Variants in CST2 observed in about 807,000 individuals in gnomAD.
CST2 encodes the protein cystatin SA.
Under a neutral mutation model 13.4 loss-of-function variants are expected in CST2, and 26 were observed. The ratio of observed to expected loss-of-function variants is 1.95; its 90% CI spans 1.43 to 2.70. CST2 has a LOEUF of 2.70. CST2 is among the 30% of genes most tolerant of loss of function. The probability of loss-of-function intolerance (pLI) is 0.00; values close to 1 mark genes in which losing one functional copy is unlikely to be tolerated. For synonymous variants in CST2, 105 were observed against 71.1 expected, an observed-to-expected ratio of 1.48 and a Z score of -2.40; for missense variants, 243 against 173.4, an observed-to-expected ratio of 1.40 and a Z score of -2.25.
rs1372615339 is a variant in CST2 at position 23,823,860 on chromosome 20, C to T, written c.*160G>A. On this transcript the variant is annotated 3_prime_UTR_variant, in exon 3 of 3. Transcript: ENST00000304725. ...AAAAGGAAGGAGGGAGGGCAGAGTC[C>T]CCTGCTGAGCAACAAAGGCCTCCTG... 4.3e-6 allele frequency: 3 copies of T among 699,490 alleles called. No individual in the cohort carries two copies. Among genetic ancestry groups the T allele is most frequent in the Non-Finnish European group, 7.4e-6 (3 of 408,074 alleles). 43.3% of individuals were successfully genotyped at this position (699,490 alleles called of 1,614,324 possible).
chr20:23,825,079 T>C (rs1431230379), intron 2 of CST2, 131 bp downstream of exon 2: 26 of 1,246,586 alleles, frequency 2.1e-5, no homozygotes, highest in Non-Finnish European at 2.8e-5. Context: ...CATGTATACA[T>C]CCATGCATAC....
In CST2 at chr20:23,824,179, C is replaced by G. The variant is rs558168351; in HGVS notation, c.343-76G>C. The G allele has an allele frequency of 1.8e-5, 27 of 1,469,204 alleles. No homozygotes were observed. In the African/African-American group the frequency reaches 2.1e-4, roughly 11 times the overall value. The allele number at this position is 1,469,204 out of a possible 1,614,324, so 91.0% of individuals were successfully genotyped here. A position where few individuals can be genotyped will look rare whatever the true frequency, so the allele number is the denominator to read the frequency against. ...GAAGTCACCCAGGCATGAGATGTCA[C>G]AGCCTGAGTGAGGAGGATGGAGGTG... On this transcript the variant is annotated intron_variant, in intron 2 of 2. Transcript: ENST00000304725.
In CST2 at chr20:23,826,475, C is replaced by T. The variant is rs781085701; in HGVS notation, c.186G>A (p.Glu62=). The part of the protein sequence containing the change: ...ISEYNKATED[E]YYRRLLRVLR... ...GCACCCGCAGCAGGCGTCTGTAGTA[C>T]TCATCTTCAGTGGCCTTGTTATACT... The change falls in exon 1 of 3, where the codon GAG becomes GAA. Residue 62 remains glutamate, a synonymous_variant. Transcript: ENST00000304725. 27 of 1,614,060 alleles carry T rather than the reference C, an allele frequency of 1.7e-5. No homozygotes were observed. The highest frequency in any genetic ancestry group is 2.3e-5 in the Non-Finnish European group (27 of 1,180,022).
At chr20:23,824,162 C>A in intron 2 of CST2, 59 bp from the exon 3 acceptor site, 1 of 1,565,730 alleles carries the variant, frequency 6.4e-7, no homozygotes, top group Non-Finnish European at 8.8e-7. Context: ...GGGAAGTCAC[C>A]CAGGCATGAG....
rs371256606 is a variant in CST2, at chr20:23,826,488, G to A, written c.173C>T (p.Ala58Val). The change falls in exon 1 of 3, where the codon GCC becomes GTC. Residue 58 changes from alanine to valine, a missense_variant. Physicochemically the swap from Ala to Val is moderately conservative, Grantham distance 64. Transcript: ENST00000304725. ...GCGTCTGTAGTACTCATCTTCAGTG[G>A]CCTTGTTATACTCGCTGATGACAAA... ...LHFVISEYNK[A>V]TEDEYYRRLL... is the part of the protein sequence containing the mutation. The A allele has an allele frequency of 5.1e-5, 82 of 1,614,054 alleles. No homozygotes were observed. The highest frequency in any genetic ancestry group is 8.5e-6 in the Non-Finnish European group (10 of 1,180,030).
chr20:23,825,636 C>T (rs1382495106), intron 1 of CST2, among the ~76,000 whole-genome samples: 1 of 152,224 alleles, frequency 6.6e-6, no homozygotes, highest in Non-Finnish European at 1.5e-5. Flanking sequence ...AAATAGGCGT[C>T]CGGGCCTGAT....
Position 23,826,537 on chromosome 20 carries a change from C to T in CST2, c.124G>A (p.Glu42Lys), listed in dbSNP as rs770348718. The change falls in exon 1 of 3, where the codon GAG becomes AAG. Residue 42 changes from glutamate to lysine, a missense_variant. By Grantham distance (56) the Glu-to-Lys change is moderately conservative. Coordinates refer to ENST00000304725, the MANE Select transcript of CST2 (RefSeq NM_001322.3). ...GGIYDADLND[E>K]RVQRALHFVI... ...AAGTGAAGGGCACGCTGTACCCGCTCATCATTGAGGTCTGCATCATAGATG... is the reference window on the plus strand; with the variant it reads ...AAGTGAAGGGCACGCTGTACCCGCTTATCATTGAGGTCTGCATCATAGATG... 4 of 1,614,150 alleles carry T rather than the reference C, an allele frequency of 2.5e-6. No individual in the cohort carries two copies. The highest frequency in any genetic ancestry group is 3.4e-6 in the Non-Finnish European group (4 of 1,180,014).
chr20:23,826,317 T>A (rs1984834824), intron 1 of CST2, 116 bp downstream of exon 1: 2 of 849,002 alleles, frequency 2.4e-6, no homozygotes, highest in Non-Finnish European at 3.8e-6. Context: ...GAAAGCTGAA[T>A]GAATCTGAGC....
chr20:23,825,887 G>A (rs1260494539), intron 1 of CST2, among the ~76,000 whole-genome samples: 2 of 152,306 alleles, frequency 1.3e-5, no homozygotes, highest in East Asian at 3.9e-4. Flanking sequence ...GTAAAGCTGG[G>A]CCCAATAGCC....
At position 23,825,281 on chromosome 20, in the gene CST2, G is replaced by C. The variant is rs6049157; in HGVS notation, c.271C>G (p.Arg91Gly). The C allele has an allele frequency of 1.9e-6, 3 of 1,613,920 alleles. No individual in the cohort carries two copies. Among genetic ancestry groups the C allele is most frequent in the Non-Finnish European group, 2.5e-6 (3 of 1,179,998 alleles). ...VNYFFDIEVG[R>G]TICTKSQPNL... Reference sequence around the variant, plus strand: ...GGCTGGGACTTGGTACATATGGTTCGGCCCACCTCTATGTCGAAGAAGTAA... The same window carrying C: ...GGCTGGGACTTGGTACATATGGTTCCGCCCACCTCTATGTCGAAGAAGTAA... The change falls in exon 2 of 3, where the codon CGA (arginine) becomes GGA (glycine). Residue 91 changes from arginine (R) to glycine (G), a missense_variant. Physicochemically the swap from Arg to Gly is moderately radical, Grantham distance 125. Coordinates refer to ENST00000304725, the MANE Select transcript of CST2 (RefSeq NM_001322.3).
intron 1 of CST2, among the ~76,000 whole-genome samples, chr20:23,825,798 G>T (rs1288066638): frequency 2.0e-5 from 3 of 152,176 alleles, no homozygotes; most frequent in African/African-American, 7.2e-5. Context: ...GGCTGGTCTG[G>T]ATTCCTTTGA....
chr20:23,824,836 CAAATCAAACA>C lies in CST2; in HGVS notation c.342+364_342+373del, dbSNP rs1984775577. ...CATTCCCAAGCTGAAGGCTTCCTAG[CAAATCAAACA>C]CATCACCCTCCTCCCTCACCACCCC... is the stretch of plus-strand genomic sequence containing the variant. On this transcript the variant is annotated intron_variant, in intron 2 of 2. Coordinates refer to ENST00000304725, the MANE Select transcript of CST2 (RefSeq NM_001322.3). Among the ~76,000 whole-genome samples, 8 of 152,204 alleles carry C rather than the reference CAAATCAAACA, an allele frequency of 5.3e-5. No homozygotes were observed. In the South Asian group the frequency reaches 1.7e-3, roughly 32 times the overall value.
chr20:23,824,994 A>G (rs1007269833), intron 2 of CST2, among the ~76,000 whole-genome samples: 1 of 151,940 alleles, frequency 6.6e-6, no homozygotes, highest in Non-Finnish European at 1.5e-5. Flanking sequence ...CCCTGCACAC[A>G]CTGGCACATG....
chr20:23,825,382 A>G (rs1245381380), intron 1 of CST2, 59 bp from the exon 2 acceptor site: 5 of 1,572,114 alleles, frequency 3.2e-6, no homozygotes, highest in Non-Finnish European at 4.4e-6. Flanking sequence ...ATGCACTCAC[A>G]GGCACTTCAC....
Position 23,826,463 on chromosome 20 carries a change from G to A in CST2, c.198C>T (p.Arg66=), listed in dbSNP as rs754278777. 13 of 1,614,072 alleles carry A rather than the reference G, an allele frequency of 8.1e-6. No homozygotes were observed. The highest frequency in any genetic ancestry group is 4.4e-5 in the South Asian group (4 of 91,086). Reference sequence around the variant, plus strand: ...CCCTGGCTCGTAGCACCCGCAGCAGGCGTCTGTAGTACTCATCTTCAGTGG... The same window carrying A: ...CCCTGGCTCGTAGCACCCGCAGCAGACGTCTGTAGTACTCATCTTCAGTGG... The part of the protein sequence containing the change: ...NKATEDEYYR[R]LLRVLRAREQ... Residue 66 remains arginine, a synonymous_variant, in exon 1 of 3, where the codon CGC becomes CGT. Transcript: ENST00000304725.
intron 1 of CST2, among the ~76,000 whole-genome samples, chr20:23,825,901 C>T (rs1436102286): frequency 2.6e-5 from 4 of 152,206 alleles, no homozygotes; most frequent in Admixed American, 2.6e-4. Context: ...AATAGCCCTT[C>T]TGAAGCTCTC....
chr20:23,824,238 C>A, intron 2 of CST2, 135 bp from the exon 3 acceptor site: 1 of 830,672 alleles, frequency 1.2e-6, no homozygotes, highest in South Asian at 1.6e-5. Context: ...CTGCTGAGTC[C>A]CAGAGCACTG....
rs1600435960 is a variant in CST2, at chr20:23,823,924, A to C, written c.*96T>G. Reference sequence around the variant, plus strand: ...CTTCTCCTGCTGCAGGTGCATGGGGAGACCTCCCACAGGGTGGGGGCCACC... The same window carrying C: ...CTTCTCCTGCTGCAGGTGCATGGGGCGACCTCCCACAGGGTGGGGGCCACC... On this transcript the variant is annotated 3_prime_UTR_variant, in exon 3 of 3. Coordinates refer to ENST00000304725, the MANE Select transcript of CST2 (RefSeq NM_001322.3). 2.5e-6 allele frequency: 3 copies of C among 1,192,028 alleles called. No individual in the cohort carries two copies. The highest frequency in any genetic ancestry group is 3.5e-6 in the Non-Finnish European group (3 of 845,324). 73.8% of individuals were successfully genotyped at this position (1,192,028 alleles called of 1,614,324 possible). A position where few individuals can be genotyped will look rare whatever the true frequency, so the allele number is the denominator to read the frequency against.
Position 23,823,799 on chromosome 20 carries a change from G to A in CST2, c.*221C>T. 1.8e-6 allele frequency: 1 copy of A among 565,112 alleles called. No homozygotes were observed. 35.0% of individuals were successfully genotyped at this position (565,112 alleles called of 1,614,324 possible). ...TGCTACTGTTTAATTGCAGGAGGTGGGGGTGTGTGTACCATGTACCAGGGC... is the reference window on the plus strand; with the variant it reads ...TGCTACTGTTTAATTGCAGGAGGTGAGGGTGTGTGTACCATGTACCAGGGC... On this transcript the variant is annotated 3_prime_UTR_variant, in exon 3 of 3. Transcript: ENST00000304725.
Sources: allele counts gnomAD v4.1 joint callset (sites outside exome capture counted in the v4.1 genomes callset), GRCh38; gene constraint gnomAD v4.1.1; transcripts MANE v1.5; gene names NCBI Gene and HGNC (gene_info 2026-07-23, HGNC 2026-07-21).